The following SOS1 variants were observed in gnomAD, a reference collection of about 807,000 sequenced individuals.
SOS1 encodes SOS Ras/Rac guanine nucleotide exchange factor 1, also known as son of sevenless homolog 1.
A neutral mutation model predicts 157.6 loss-of-function variants in SOS1; 25 were observed. That is an observed-to-expected ratio of 0.16 (90% CI 0.12 to 0.22). SOS1 has a LOEUF of 0.22. Among genes scored for constraint, SOS1 ranks in the 10% least tolerant of loss-of-function variants. SOS1 has a pLI of 1.00. For missense variants in SOS1, 1,237 were observed against 1,599.1 expected (o/e 0.77, Z 3.86); for synonymous variants, 528 against 534.0 (o/e 0.99, Z 0.16).
At chr2:39,012,818 GCT>G (rs1669507830) in intron 13 of SOS1, among the ~76,000 whole-genome samples, 1 of 151,960 alleles carries the variant, frequency 6.6e-6, no homozygotes, top group Non-Finnish European at 1.5e-5. Context: ...TTTTGATGTG[GCT>G]CTGTTTTATA....
intron 1 of SOS1, among the ~76,000 whole-genome samples, chr2:39,089,956 G>A (rs937738062): frequency 8.0e-5 from 11 of 136,876 alleles, no homozygotes; most frequent in African/African-American, 2.1e-4. Context: ...GTGAAATCCC[G>A]TCTCTACTAA....
rs755549795 is a variant in SOS1, at chr2:38,997,329, T to C, written c.2888A>G (p.Lys963Arg). 1.9e-6 allele frequency: 3 copies of C among 1,613,194 alleles called. No homozygotes were observed. Among genetic ancestry groups the C allele is most frequent in the Admixed American group, 1.7e-5 (1 of 60,024 alleles). The change falls in exon 18 of 23, where the codon AAA becomes AGA. Residue 963 changes from lysine to arginine, a missense_variant. Coordinates refer to ENST00000402219, the MANE Select transcript of SOS1 (RefSeq NM_005633.4). ...KELINFSKRR[K>R]VAEITGEIQQ... is the part of the protein sequence containing the mutation. The stretch of plus-strand genomic sequence containing the variant: ...GATCTCTCCTGTTATTTCTGCTACT[T>C]TCCTCCTTTTGCTAAAGTTTATAAG...
rs1669253478 is a variant in SOS1, at chr2:39,005,449, A to G, written c.2791+963T>C. On this transcript the variant is annotated intron_variant, in intron 17 of 22. Transcript: ENST00000402219. ...GGTAATGGTTAAAACAAATTGTCCA[A>G]CTTTATGGAATATTATGCAGCCATT... 7.2e-5 allele frequency among the ~76,000 whole-genome samples: 11 copies of G among 152,324 alleles called. No homozygotes were observed. In the South Asian group the frequency reaches 2.3e-3, roughly 32 times the overall value.
At chr2:39,036,513 G>A (rs565169065) in intron 6 of SOS1, among the ~76,000 whole-genome samples, 1 of 152,072 alleles carries the variant, frequency 6.6e-6, no homozygotes. Context: ...ACCGCGCCTG[G>A]TTACATTTTT....
chr2:39,052,492 A>G (rs1671054882), intron 5 of SOS1, among the ~76,000 whole-genome samples: 2 of 152,060 alleles, frequency 1.3e-5, no homozygotes, highest in Admixed American at 1.3e-4. Flanking sequence ...CTCCCAGGAA[A>G]CCTGTGATCT....
chr2:38,995,116 C>T lies in SOS1; in HGVS notation c.3346+7G>A. The T allele has an allele frequency of 6.2e-7, 1 of 1,613,082 alleles. No individual in the cohort carries two copies. The highest frequency in any genetic ancestry group is 8.5e-7 in the Non-Finnish European group (1 of 1,179,284). ...TACCTTAATGCACTTAGAATTTTTGCACCTACTTGAGTGAAAAGGGCTCGA... is the reference window on the plus strand; with the variant it reads ...TACCTTAATGCACTTAGAATTTTTGTACCTACTTGAGTGAAAAGGGCTCGA... On this transcript the variant is annotated splice_region_variant and intron_variant, in intron 20 of 22. Transcript: ENST00000402219.
At chr2:39,055,256 T>G (rs901939290) in intron 4 of SOS1, among the ~76,000 whole-genome samples, 3 of 152,198 alleles carry the variant, frequency 2.0e-5, no homozygotes, top group Admixed American at 6.5e-5. Context: ...AAATAAGCTA[T>G]TATTTTCTGC....
chr2:39,098,833 G>C (rs938858713), intron 1 of SOS1, among the ~76,000 whole-genome samples: 2 of 152,118 alleles, frequency 1.3e-5, no homozygotes, highest in South Asian at 4.1e-4. Context: ...AGGTTGCAGT[G>C]AGCCAAGATT....
chr2:39,033,556 G>A (rs1670240244), intron 8 of SOS1, among the ~76,000 whole-genome samples: 1 of 152,156 alleles, frequency 6.6e-6, no homozygotes, highest in East Asian at 1.9e-4. Context: ...GTATTTTTGA[G>A]ACAGGGGCTT....
At position 38,987,488 on chromosome 2, in the gene SOS1, T is replaced by C; in HGVS notation, c.3495A>G (p.Glu1165=). Residue 1165 remains glutamate, a synonymous_variant, in exon 22 of 23, where the codon GAA becomes GAG. Transcript: ENST00000402219. ...CTTACTTTACCTTAGATGGTGAAGA[T>C]TCTGCTGGGGCAGATTCTGGTCGTC... ...PRRRPESAPA[E]SSPSKIMSKH... 1 of 1,567,564 alleles carries C rather than the reference T, an allele frequency of 6.4e-7. No homozygotes were observed. Among genetic ancestry groups the C allele is most frequent in the South Asian group, 1.1e-5 (1 of 88,940 alleles).
intron 1 of SOS1, among the ~76,000 whole-genome samples, chr2:39,109,332 A>C (rs10207187): frequency 0.083 from 12,587 of 152,162 alleles, 1,857 homozygotes; most frequent in African/African-American, 0.29. Context: ...CAGTTCCTTT[A>C]TGGTCTGTGC....
rs1215764418 is a variant in SOS1 at position 38,982,314 on chromosome 2, G to A, written c.*3510C>T. The A allele has an allele frequency of 2.6e-5, 4 of 152,142 alleles. No homozygotes were observed. The highest frequency in any genetic ancestry group is 4.4e-5 in the Non-Finnish European group (3 of 68,010). 9.4% of individuals were successfully genotyped at this position (152,142 alleles called of 1,614,324 possible). ...ATAATATAGACTTCATGCTTCTTAA[G>A]TAGAGCTCAAAATATTTCATTGGCT... On this transcript the variant is annotated 3_prime_UTR_variant, in exon 23 of 23. Transcript: ENST00000402219.
In SOS1 at chr2:38,982,010, T is replaced by C. The variant is rs535555243; in HGVS notation, c.*3814A>G. 1.4e-4 allele frequency: 22 copies of C among 152,304 alleles called. No homozygotes were observed. The highest frequency in any genetic ancestry group is 5.3e-4 in the African/African-American group (22 of 41,570). The allele number at this position is 152,304 out of a possible 1,614,324, so 9.4% of individuals were successfully genotyped here. A position where few individuals can be genotyped will look rare whatever the true frequency, so the allele number is the denominator to read the frequency against. On this transcript the variant is annotated 3_prime_UTR_variant, in exon 23 of 23. Transcript: ENST00000402219. ...CATTTGGCAGCTACTGAAAGTGGCA[T>C]GCATCTGGCACAGGTGCGCTCTCCC...
rs760917490 is a variant in SOS1 at position 38,985,967 on chromosome 2, T to C, written c.3859A>G (p.Ile1287Val). The change falls in exon 23 of 23, where the codon ATT (isoleucine) becomes GTT (valine). Residue 1287 changes from isoleucine to valine, a missense_variant. Ile to Val is a conservative substitution (Grantham distance 29, BLOSUM62 3). This residue lies in a region of SOS1 where 306 missense variants were observed against 322.6 expected (regional missense o/e 0.95). Coordinates refer to ENST00000402219, the MANE Select transcript of SOS1 (RefSeq NM_005633.4). ...PLTQEVDLHS[I>V]AGPPVPPRQS... is the part of the protein sequence containing the mutation. ...CGTGGAGGAACAGGCGGCCCAGCAATGGAATGAAGGTCCACTTCTTGTGTC... is the reference window on the plus strand; with the variant it reads ...CGTGGAGGAACAGGCGGCCCAGCAACGGAATGAAGGTCCACTTCTTGTGTC... 9.9e-6 allele frequency: 16 copies of C among 1,613,918 alleles called. No homozygotes were observed. The East Asian group carries it at 2.0e-4, about 20-fold the overall frequency.
intron 17 of SOS1, among the ~76,000 whole-genome samples, chr2:39,006,044 G>A (rs899189349): frequency 2.0e-5 from 3 of 152,118 alleles, no homozygotes; most frequent in South Asian, 2.1e-4. Context: ...CAAAGGCACA[G>A]CAGGCACACT....
chr2:39,036,353 C>CT (rs951751791), intron 6 of SOS1, among the ~76,000 whole-genome samples: 4 of 150,826 alleles, frequency 2.7e-5, no homozygotes, highest in Admixed American at 6.6e-5. Context: ...TTTCAGATTG[C>CT]TTTTTTTTTG....
At chr2:39,081,469 G>A (rs565442106) in intron 1 of SOS1, among the ~76,000 whole-genome samples, 4 of 149,526 alleles carry the variant, frequency 2.7e-5, no homozygotes, top group Admixed American at 1.3e-4. Flanking sequence ...GCAGTGAGCC[G>A]AGATCGCGCC....
At chr2:39,068,750 G>A (rs992999512) in intron 1 of SOS1, among the ~76,000 whole-genome samples, 1 of 151,086 alleles carries the variant, frequency 6.6e-6, no homozygotes, top group Non-Finnish European at 1.5e-5. Context: ...AAGAAGCCTT[G>A]ACCATTTCTT....
At chr2:39,108,639 A>G (rs185219007) in intron 1 of SOS1, among the ~76,000 whole-genome samples, 54 of 152,274 alleles carry the variant, frequency 3.5e-4, no homozygotes, top group African/African-American at 1.3e-3. Flanking sequence ...CTGTAATCCC[A>G]GTGCTTTGGG....
Sources: gnomAD v4.1 joint callset for allele counts (sites outside exome capture counted in the v4.1 genomes callset) on GRCh38, gnomAD v4.1.1 for gene constraint, gnomAD v4.1.1 regional missense constraint, MANE v1.5 for transcripts, NCBI Gene and HGNC (gene_info 2026-07-23, HGNC 2026-07-21) for gene names.